ALOX5AP: variants seen among roughly 807,000 people sequenced by gnomAD.
ALOX5AP encodes arachidonate 5-lipoxygenase activating protein.
In ALOX5AP, 9 loss-of-function variants were observed where a neutral mutation model predicts 18.5. The ratio of observed to expected loss-of-function variants is 0.49; its 90% CI spans 0.29 to 0.85. The LOEUF is 0.85. Among genes scored for constraint, ALOX5AP ranks in the 40% least tolerant of loss-of-function variants. ALOX5AP has a pLI of 0.08. For missense variants in ALOX5AP, 172 were observed against 202.5 expected, an observed-to-expected ratio of 0.85 and a Z score of 0.91; for synonymous variants, 81 against 78.6, an observed-to-expected ratio of 1.03 and a Z score of -0.16.
At chr13:30,742,031 G>A (rs1951770709) in intron 1 of ALOX5AP, among the ~76,000 whole-genome samples, 1 of 152,078 alleles carries the variant, frequency 6.6e-6, no homozygotes, top group Admixed American at 6.6e-5. Flanking sequence ...AAACCCTGTG[G>A]AGCTGGCTGG....
At chr13:30,730,900 A>G (rs1951675918), upstream of ALOX5AP, among the ~76,000 whole-genome samples, 1 of 152,170 alleles carries the variant, frequency 6.6e-6, no homozygotes, top group African/African-American at 2.4e-5. Context: ...AACTACTAAC[A>G]GTACTCTAAT....
At chr13:30,732,300 CG>C (rs1315013562), upstream of ALOX5AP, among the ~76,000 whole-genome samples, 1 of 152,164 alleles carries the variant, frequency 6.6e-6, no homozygotes, top group Non-Finnish European at 1.5e-5. Flanking sequence ...CCACGGAGCC[CG>C]GAAGGTTTCC....
rs59562797 is a variant in ALOX5AP at position 30,718,382 on chromosome 13, CATATATATAT to C, written c.116+4556_116+4565del. ...TGGATGAAAACCTATCACAGATATG[CATATATATAT>C]ATATATATATATATGCATATCTATA... On this transcript the variant is annotated intron_variant, in intron 1 of 5. Coordinates refer to the ALOX5AP transcript ENST00000617770. Among the ~76,000 whole-genome samples, 23 of 139,728 alleles carry C rather than the reference CATATATATAT, an allele frequency of 1.6e-4. 1 individual carries two copies. Among genetic ancestry groups the C allele is most frequent in the Admixed American group, 1.4e-3 (19 of 13,924 alleles). The allele number at this position is 139,728 out of a possible 152,430, so 91.7% of individuals were successfully genotyped here.
intron 3 of ALOX5AP, 33 bp from the exon 4 acceptor site, chr13:30,755,911 A>G (rs988393834): frequency 6.2e-7 from 1 of 1,608,304 alleles, no homozygotes; most frequent in Non-Finnish European, 8.5e-7. Context: ...GTGGCTACGA[A>G]ACTGACACAG....
chr13:30,757,732 A>G (rs750054940), intron 4 of ALOX5AP, among the ~76,000 whole-genome samples: 2 of 152,224 alleles, frequency 1.3e-5, no homozygotes, highest in African/African-American at 2.4e-5. Context: ...TCTGCAGAAC[A>G]TGACAAAATT....
intron 2 of ALOX5AP, among the ~76,000 whole-genome samples, chr13:30,747,257 AC>A (rs1310264594): frequency 2.0e-5 from 3 of 152,216 alleles, no homozygotes; most frequent in Non-Finnish European, 1.5e-5. Context: ...GCTCACTGCA[AC>A]CTCGGCCTCC....
At chr13:30,729,393 C>A (rs1219448916) in intron 1 of ALOX5AP, among the ~76,000 whole-genome samples, 1 of 152,084 alleles carries the variant, frequency 6.6e-6, no homozygotes, top group Non-Finnish European at 1.5e-5. Flanking sequence ...AAAAGACTTT[C>A]CTTTCCCCAT....
At chr13:30,726,611 A>G (rs1465055162) in intron 1 of ALOX5AP, among the ~76,000 whole-genome samples, 1 of 152,190 alleles carries the variant, frequency 6.6e-6, no homozygotes, top group Non-Finnish European at 1.5e-5. Context: ...CACACAACCA[A>G]TTTGAGAAAT....
chr13:30,719,374 G>T (rs1317344908), intron 1 of ALOX5AP, among the ~76,000 whole-genome samples: 5 of 152,186 alleles, frequency 3.3e-5, no homozygotes, highest in Non-Finnish European at 5.9e-5. Context: ...CTCTGTCTCA[G>T]TAACCTCATC....
chr13:30,754,481 G>A (rs1158591595), intron 3 of ALOX5AP, among the ~76,000 whole-genome samples: 1 of 152,102 alleles, frequency 6.6e-6, no homozygotes, highest in Non-Finnish European at 1.5e-5. Context: ...TATGGTGAGT[G>A]AAATAATATG....
In ALOX5AP at chr13:30,755,953, C is replaced by T. The variant is rs772996992; in HGVS notation, c.251C>T (p.Ala84Val). The change falls in exon 4 of 5, where the codon GCG (alanine) becomes GTG (valine). Residue 84 changes from alanine (A) to valine (V), a missense_variant. Physicochemically the swap from Ala to Val is moderately conservative, Grantham distance 64 (BLOSUM62 0). Transcript: ENST00000380490. ...TCATTTCTCCACTTAGTTCCTGCTGCGTTTGCTGGACTGATGTACTTGTTT... is the reference window on the plus strand; with the variant it reads ...TCATTTCTCCACTTAGTTCCTGCTGTGTTTGCTGGACTGATGTACTTGTTT... ...AGLLCSQVPA[A>V]FAGLMYLFVR... 1.9e-6 allele frequency: 3 copies of T among 1,614,018 alleles called. No individual in the cohort carries two copies. Among genetic ancestry groups the T allele is most frequent in the Admixed American group, 1.7e-5 (1 of 60,014 alleles).
chr13:30,714,712 C>T (rs1162471125), intron 1 of ALOX5AP, among the ~76,000 whole-genome samples: 2 of 152,084 alleles, frequency 1.3e-5, no homozygotes, highest in Admixed American at 6.5e-5. Context: ...CATTGGTGGG[C>T]GTTCTGCTGG....
At chr13:30,747,146 G>A (rs1341372734) in intron 2 of ALOX5AP, among the ~76,000 whole-genome samples, 1 of 152,172 alleles carries the variant, frequency 6.6e-6, no homozygotes, top group Admixed American at 6.5e-5. Flanking sequence ...AATTGGACCT[G>A]GACTCTGTTC....
chr13:30,746,837 A>G (rs1436345706), intron 2 of ALOX5AP, among the ~76,000 whole-genome samples: 1 of 152,266 alleles, frequency 6.6e-6, no homozygotes, highest in Non-Finnish European at 1.5e-5. Flanking sequence ...ATAAGGTTGC[A>G]TGCTCAAAAT....
At position 30,764,213 on chromosome 13, in the gene ALOX5AP, AT is replaced by A; in HGVS notation, c.*109del. On this transcript the variant is annotated 3_prime_UTR_variant, in exon 5 of 5. Transcript: ENST00000380490. ...CTCTTCTTTAGATGGCTGTAAATCTATTGGCCATCTGGGCTTCACAGCTTGA... is the reference window on the plus strand; with the variant it reads ...CTCTTCTTTAGATGGCTGTAAATCTATGGCCATCTGGGCTTCACAGCTTGA... 1 of 1,273,818 alleles carries A rather than the reference AT, an allele frequency of 7.9e-7. No homozygotes were observed. Among genetic ancestry groups the A allele is most frequent in the South Asian group, 1.5e-5 (1 of 65,046 alleles). The allele number at this position is 1,273,818 out of a possible 1,614,324, so 78.9% of individuals were successfully genotyped here. A position where few individuals can be genotyped will look rare whatever the true frequency, so the allele number is the denominator to read the frequency against.
At chr13:30,730,412 A>G (rs1951671977) in intron 1 of ALOX5AP, among the ~76,000 whole-genome samples, 1 of 152,210 alleles carries the variant, frequency 6.6e-6, no homozygotes, top group South Asian at 2.1e-4. Context: ...CTCTGTTCGT[A>G]TCACTTACTA....
intron 4 of ALOX5AP, among the ~76,000 whole-genome samples, chr13:30,756,712 C>A (rs756869146): frequency 2.0e-5 from 3 of 147,554 alleles, no homozygotes; most frequent in Non-Finnish European, 4.4e-5. Context: ...ACTCCATAGG[C>A]TGAGGCTGGA....
At chr13:30,714,871 G>C (rs879477010) in intron 1 of ALOX5AP, among the ~76,000 whole-genome samples, 1 of 152,126 alleles carries the variant, frequency 6.6e-6, no homozygotes, top group Non-Finnish European at 1.5e-5. Flanking sequence ...TTTCCTTTGC[G>C]GGCAACTCCG....
At chr13:30,724,322 G>C (rs894201645) in intron 1 of ALOX5AP, among the ~76,000 whole-genome samples, 1 of 152,168 alleles carries the variant, frequency 6.6e-6, no homozygotes, top group African/African-American at 2.4e-5. Context: ...ACCACAATTT[G>C]TTTATCCATT....
Sources: allele counts gnomAD v4.1 joint callset (sites outside exome capture counted in the v4.1 genomes callset), GRCh38; gene constraint gnomAD v4.1.1; transcripts MANE v1.5; gene names NCBI Gene and HGNC (gene_info 2026-07-23, HGNC 2026-07-21).